The following ATP1A1 variants were observed in gnomAD, a reference collection of about 807,000 sequenced individuals.
ATP1A1 encodes the protein sodium/potassium-transporting ATPase subunit alpha-1.
ATP1A1 carries 14 observed loss-of-function variants against 114.8 expected under a neutral mutation model. The ratio of observed to expected loss-of-function variants is 0.12; its 90% CI spans 0.08 to 0.19. The LOEUF (loss-of-function observed/expected upper bound fraction) is 0.19. Among genes scored for constraint, ATP1A1 ranks in the 10% least tolerant of loss-of-function variants. The probability of loss-of-function intolerance (pLI) is 1.00; values close to 1 mark genes in which losing one functional copy is unlikely to be tolerated. For missense variants in ATP1A1, 524 were observed against 1,290.7 expected (o/e 0.41, Z 9.10); for synonymous variants, 471 against 466.3 (o/e 1.01, Z -0.13).
chr1:116,390,427 C>T lies in ATP1A1; in HGVS notation c.1222+16C>T. 6.2e-7 allele frequency: 1 copy of T among 1,609,698 alleles called. No homozygotes were observed. Among genetic ancestry groups the T allele is most frequent in the Non-Finnish European group, 8.5e-7 (1 of 1,176,584 alleles). On this transcript the variant is annotated intron_variant, in intron 9 of 22. Coordinates refer to ENST00000295598, the MANE Select transcript of ATP1A1 (RefSeq NM_000701.8). ...AATCAGAGTGGTAAGGCCAGGGTTACCACACACCTCAGCCACCTGCTGACT... is the reference window on the plus strand; with the variant it reads ...AATCAGAGTGGTAAGGCCAGGGTTATCACACACCTCAGCCACCTGCTGACT...
Position 116,393,137 on chromosome 1 carries a change from AT to A in ATP1A1, c.1467+152del. ...CCCTTGATTACCATAGAATGCCATA[AT>A]TTAGTTGAATATCAGCAGGATAAAT... On this transcript the variant is annotated intron_variant, in intron 11 of 22. Transcript: ENST00000295598. This position sits in a 1 kb window ranked among gnomAD's most constrained non-coding sequence, Gnocchi z 5.0. 9.0e-7 allele frequency: 1 copy of A among 1,112,454 alleles called. No individual in the cohort carries two copies. Among genetic ancestry groups the A allele is most frequent in the Non-Finnish European group, 1.3e-6 (1 of 796,024 alleles). The allele number at this position is 1,112,454 out of a possible 1,614,324, so 68.9% of individuals were successfully genotyped here. A position where few individuals can be genotyped will look rare whatever the true frequency, so the allele number is the denominator to read the frequency against.
rs985933981 is a variant in ATP1A1, at chr1:116,399,306, A to G, written c.2449-114A>G. ...ATCAGATGGGAATCTTTATTTTTGT[A>G]TACTTCACCTAAAAGATTTTTAAAT... is the stretch of plus-strand genomic sequence containing the variant. On this transcript the variant is annotated intron_variant, in intron 17 of 22. Transcript: ENST00000295598. The surrounding 1 kb of genome is among the most constrained non-coding windows in gnomAD (Gnocchi z 5.0). 1 of 1,445,178 alleles carries G rather than the reference A, an allele frequency of 6.9e-7. No homozygotes were observed. Among genetic ancestry groups the G allele is most frequent in the South Asian group, 1.4e-5 (1 of 73,352 alleles). The allele number at this position is 1,445,178 out of a possible 1,614,324, so 89.5% of individuals were successfully genotyped here. A position where few individuals can be genotyped will look rare whatever the true frequency, so the allele number is the denominator to read the frequency against.
intron 1 of ATP1A1, among the ~76,000 whole-genome samples, chr1:116,383,740 C>T (rs1358080225): frequency 6.6e-6 from 1 of 152,206 alleles, no homozygotes; most frequent in Non-Finnish European, 1.5e-5. Flanking sequence ...AAGGAAGTGG[C>T]ACTGGCAGGG....
Position 116,403,884 on chromosome 1 carries a change from A to T in ATP1A1, c.2952A>T (p.Lys984Asn). ...AATTGGTACCTTACTCTATTTCCAG[A>T]CCTACCTGGTGGTTCTGTGCCTTCC... The part of the protein sequence containing the change: ...MGVALRMYPL[K>N]PTWWFCAFPY... Residue 984 changes from lysine (K) to asparagine (N), a missense_variant and splice_region_variant, in exon 22 of 23, where the codon AAA becomes AAT. This residue lies in a region of ATP1A1 where 84 missense variants were observed against 209.3 expected (regional missense o/e 0.40). Transcript: ENST00000295598. 1.9e-6 allele frequency: 3 copies of T among 1,613,234 alleles called. No homozygotes were observed. Among genetic ancestry groups the T allele is most frequent in the Non-Finnish European group, 2.5e-6 (3 of 1,179,526 alleles).
In ATP1A1 at chr1:116,402,809, C is replaced by G. The variant is rs151136997; in HGVS notation, c.2952-1075C>G. Among the ~76,000 whole-genome samples, 439 of 152,316 alleles carry G rather than the reference C, an allele frequency of 2.9e-3. 2 individuals are homozygous for G. The highest frequency in any genetic ancestry group is 9.8e-3 in the African/African-American group (406 of 41,566). On this transcript the variant is annotated intron_variant, in intron 21 of 22. Transcript: ENST00000295598. ...CCCTCCAGGGCCTGTGCACTTGCAC[C>G]TCTTCTCTGGCATTACTTGTTGCTT...
At chr1:116,392,036 C>G (rs1652507633) in intron 10 of ATP1A1, among the ~76,000 whole-genome samples, 1 of 152,202 alleles carries the variant, frequency 6.6e-6, no homozygotes, top group African/African-American at 2.4e-5. Context: ...CCAAACCCAG[C>G]CAACTTTCTT....
intron 10 of ATP1A1, 81 bp from the exon 11 acceptor site, chr1:116,392,773 T>C: frequency 6.6e-7 from 1 of 1,520,528 alleles, no homozygotes; most frequent in Non-Finnish European, 8.9e-7. Flanking sequence ...GGAATGTGTC[T>C]TGAGTTATTT....
At chr1:116,383,415 A>G in intron 1 of ATP1A1, 2 of 930,582 alleles carry the variant, frequency 2.1e-6, no homozygotes, top group Non-Finnish European at 2.6e-6. Context: ...AAACAGTATA[A>G]AAGTACTAGC....
intron 3 of ATP1A1, chr1:116,386,086 A>G (rs756053781): frequency 2.3e-5 from 3 of 129,812 alleles, no homozygotes; most frequent in Non-Finnish European, 4.6e-5. Context: ...AGGTTGTGCC[A>G]TTGCACTCCA....
At position 116,404,309 on chromosome 1, in the gene ATP1A1, C is replaced by T. The variant is rs546823394; in HGVS notation, c.3044-107C>T. The T allele has an allele frequency of 3.6e-5, 50 of 1,389,434 alleles. No individual in the cohort carries two copies. Among genetic ancestry groups the T allele is most frequent in the Middle Eastern group, 1.8e-4 (1 of 5,682 alleles). The allele number at this position is 1,389,434 out of a possible 1,614,324, so 86.1% of individuals were successfully genotyped here. On this transcript the variant is annotated intron_variant, in intron 22 of 22. Transcript: ENST00000295598. The surrounding 1 kb of genome is among the most constrained non-coding windows in gnomAD (Gnocchi z 4.8). ...TCCCATGTTTGGATTTTAACACACC[C>T]GACCCCCATCATCCTCCGGTTGGTT...
intron 1 of ATP1A1, chr1:116,383,326 T>A: frequency 9.3e-7 from 1 of 1,075,658 alleles, no homozygotes; most frequent in Non-Finnish European, 1.1e-6. Context: ...GGGAAGCTGG[T>A]AAAGGTCAGT....
intron 1 of ATP1A1, among the ~76,000 whole-genome samples, chr1:116,378,307 C>T (rs979029818): frequency 2.6e-5 from 4 of 152,208 alleles, no homozygotes; most frequent in African/African-American, 7.2e-5. Context: ...GGTTTTAGAC[C>T]TCACTTACTA....
In ATP1A1 at chr1:116,395,944, G is replaced by T. The variant is rs996847394; in HGVS notation, c.1837-654G>T. Among the ~76,000 whole-genome samples, 1 of 152,020 alleles carries T rather than the reference G, an allele frequency of 6.6e-6. No homozygotes were observed. Among genetic ancestry groups the T allele is most frequent in the Non-Finnish European group, 1.5e-5 (1 of 68,012 alleles). On this transcript the variant is annotated intron_variant, in intron 13 of 22. Coordinates refer to ENST00000295598, the MANE Select transcript of ATP1A1 (RefSeq NM_000701.8). The surrounding 1 kb of genome is among the most constrained non-coding windows in gnomAD (Gnocchi z 6.4). ...TTTTTGTATTTTTAAGTAAAGATAG[G>T]GTTTCGCCACGTTGGCCAGGCTGGT... is the stretch of plus-strand genomic sequence containing the variant.
Position 116,395,063 on chromosome 1 carries a change from C to T in ATP1A1, c.1661-47C>T, listed in dbSNP as rs1309312688. Reference sequence around the variant, plus strand: ...GAATAGGCTGCTGTTGTCCTTCTTACTGCCCAGCGTCACTGAAATTTTCAA... The same window carrying T: ...GAATAGGCTGCTGTTGTCCTTCTTATTGCCCAGCGTCACTGAAATTTTCAA... On this transcript the variant is annotated intron_variant, in intron 12 of 22. Transcript: ENST00000295598. This position sits in a 1 kb window ranked among gnomAD's most constrained non-coding sequence, Gnocchi z 6.4. The T allele has an allele frequency of 6.3e-7, 1 of 1,582,344 alleles. No homozygotes were observed. The highest frequency in any genetic ancestry group is 2.3e-5 in the East Asian group (1 of 43,952).
Position 116,404,309 on chromosome 1 carries a change from C to G in ATP1A1, c.3044-107C>G, listed in dbSNP as rs546823394. ...TCCCATGTTTGGATTTTAACACACC[C>G]GACCCCCATCATCCTCCGGTTGGTT... is the stretch of plus-strand genomic sequence containing the variant. On this transcript the variant is annotated intron_variant, in intron 22 of 22. Transcript: ENST00000295598. This position sits in a 1 kb window ranked among gnomAD's most constrained non-coding sequence, Gnocchi z 4.8. 52 of 1,389,318 alleles carry G rather than the reference C, an allele frequency of 3.7e-5. No homozygotes were observed. The highest frequency in any genetic ancestry group is 5.2e-5 in the Non-Finnish European group (51 of 988,092). 86.1% of individuals were successfully genotyped at this position (1,389,318 alleles called of 1,614,324 possible).
At position 116,389,467 on chromosome 1, in the gene ATP1A1, T is replaced by C; in HGVS notation, c.783T>C (p.Thr261=). ...EGTARGIVVY[T]GDRTVMGRIA... ...CCGCACGTGGTATTGTTGTCTACAC[T>C]GGGGATCGCACTGTGATGGGAAGAA... Residue 261 remains threonine, a synonymous_variant, in exon 8 of 23, where the codon ACT becomes ACC. Coordinates refer to ENST00000295598, the MANE Select transcript of ATP1A1 (RefSeq NM_000701.8). This position sits in a 1 kb window ranked among gnomAD's most constrained non-coding sequence, Gnocchi z 6.9. The C allele has an allele frequency of 6.2e-7, 1 of 1,614,218 alleles. No individual in the cohort carries two copies. The highest frequency in any genetic ancestry group is 2.2e-5 in the East Asian group (1 of 44,890).
At chr1:116,390,514 G>A (rs1479703856) in intron 9 of ATP1A1, 103 bp downstream of exon 9, 32 of 1,168,480 alleles carry the variant, frequency 2.7e-5, no homozygotes, top group Non-Finnish European at 2.0e-5. Context: ...TTAAGCTCAT[G>A]GCAGCTTTTT....
At chr1:116,392,717 A>T (rs910941919) in intron 10 of ATP1A1, 137 bp from the exon 11 acceptor site, 17 of 1,069,904 alleles carry the variant, frequency 1.6e-5, no homozygotes, top group Admixed American at 2.7e-5. Flanking sequence ...CCCACTTAAC[A>T]CCGCTGCTTC....
rs1377495610 is a variant in ATP1A1, at chr1:116,388,844, A to G, written c.637-58A>G. ...GGCAGCTTGATTTGAGGGGTACAGT[A>G]GCCCATGATAAGGCTGGTGTATTCA... is the stretch of plus-strand genomic sequence containing the variant. On this transcript the variant is annotated intron_variant, in intron 6 of 22. Transcript: ENST00000295598. This position sits in a 1 kb window ranked among gnomAD's most constrained non-coding sequence, Gnocchi z 5.6. 6.8e-6 allele frequency: 11 copies of G among 1,613,042 alleles called. No individual in the cohort carries two copies. In the Admixed American group the frequency reaches 1.8e-4, roughly 27 times the overall value.
Sources: allele counts gnomAD v4.1 joint callset (sites outside exome capture counted in the v4.1 genomes callset), GRCh38; gene constraint gnomAD v4.1.1; regional missense constraint gnomAD v4.1.1; non-coding constraint Gnocchi (gnomAD v3.1); transcripts MANE v1.5; gene names NCBI Gene and HGNC (gene_info 2026-07-23, HGNC 2026-07-21).